Variants in PTPRD observed in about 807,000 individuals in gnomAD.
The protein encoded by PTPRD is receptor-type tyrosine-protein phosphatase delta.
Under a neutral mutation model 214.5 loss-of-function variants are expected in PTPRD, and 34 were observed. The ratio of observed to expected loss-of-function variants is 0.16; its 90% confidence interval spans 0.12 to 0.21. The LOEUF is 0.21. PTPRD is among the 10% of genes least tolerant of loss of function. PTPRD has a pLI of 1.00. For synonymous variants in PTPRD, 1,128 were observed against 845.7 expected (o/e 1.33, Z -5.79); for missense variants, 2,545 against 2,398.7 (o/e 1.06, Z -1.27).
intron 2 of PTPRD, among the ~76,000 whole-genome samples, chr9:10,461,428 T>C (rs1220277441): frequency 6.6e-6 from 1 of 151,926 alleles, no homozygotes; most frequent in Non-Finnish European, 1.5e-5. Flanking sequence ...AGTCGAGCTA[T>C]GAAAATAATC....
intron 2 of PTPRD, among the ~76,000 whole-genome samples, chr9:10,595,066 G>A (rs1044748826): frequency 6.6e-6 from 1 of 151,790 alleles, no homozygotes; most frequent in Non-Finnish European, 1.5e-5. Context: ...TAATCTCAGA[G>A]TTTAAAATAA....
At chr9:9,043,801 G>A (rs1361600016) in intron 10 of PTPRD, among the ~76,000 whole-genome samples, 1 of 151,974 alleles carries the variant, frequency 6.6e-6, no homozygotes, top group East Asian at 1.9e-4. Context: ...CTACCCAGGA[G>A]GCTGAAGCAG....
chr9:10,289,419 G>A (rs886748013), intron 3 of PTPRD, among the ~76,000 whole-genome samples: 2 of 152,106 alleles, frequency 1.3e-5, no homozygotes, highest in African/African-American at 4.8e-5. Flanking sequence ...GGAAAACCCT[G>A]CTTAGGTTGA....
intron 5 of PTPRD, among the ~76,000 whole-genome samples, chr9:9,842,522 G>A (rs187781914): frequency 6.6e-6 from 1 of 151,710 alleles, no homozygotes; most frequent in Non-Finnish European, 1.5e-5. Context: ...GAAGAAAAAA[G>A]AAATATTTGG....
At chr9:9,545,381 A>G (rs141096165) in intron 8 of PTPRD, among the ~76,000 whole-genome samples, 258 of 151,960 alleles carry the variant, frequency 1.7e-3, no homozygotes, top group African/African-American at 5.9e-3. Context: ...CTAGAATGTC[A>G]TATAGTTTGA....
intron 10 of PTPRD, among the ~76,000 whole-genome samples, chr9:9,146,617 A>G (rs2099869017): frequency 6.6e-6 from 1 of 152,172 alleles, no homozygotes; most frequent in Non-Finnish European, 1.5e-5. Context: ...AGATTATTGC[A>G]TTCAATAGCT....
At chr9:9,952,978 G>A (rs545552383) in intron 4 of PTPRD, among the ~76,000 whole-genome samples, 1 of 152,122 alleles carries the variant, frequency 6.6e-6, no homozygotes, top group African/African-American at 2.4e-5. Context: ...TGTGGGGTAA[G>A]GAACATTGTG....
At chr9:9,208,816 T>G (rs2099946622) in intron 9 of PTPRD, among the ~76,000 whole-genome samples, 1 of 152,044 alleles carries the variant, frequency 6.6e-6, no homozygotes, top group South Asian at 2.1e-4. Context: ...ACTCTTTTTT[T>G]TTTTTCTTTG....
At chr9:9,320,394 T>A (rs1158010339) in intron 9 of PTPRD, among the ~76,000 whole-genome samples, 1 of 152,146 alleles carries the variant, frequency 6.6e-6, no homozygotes, top group East Asian at 1.9e-4. Flanking sequence ...ACACAAAAAG[T>A]TAAGCCTATT....
intron 3 of PTPRD, among the ~76,000 whole-genome samples, chr9:10,188,789 C>G (rs1593555321): frequency 6.6e-6 from 1 of 152,054 alleles, no homozygotes; most frequent in African/African-American, 2.4e-5. Context: ...TACAATGTAC[C>G]AGGTACTGTG....
At chr9:10,606,540 T>C (rs2079430422) in intron 2 of PTPRD, among the ~76,000 whole-genome samples, 1 of 151,546 alleles carries the variant, frequency 6.6e-6, no homozygotes. Flanking sequence ...TTTCTTTTTT[T>C]TTTTTTCTGT....
intron 11 of PTPRD, among the ~76,000 whole-genome samples, chr9:8,916,177 G>A (rs892677156): frequency 1.3e-5 from 2 of 152,082 alleles, no homozygotes; most frequent in Non-Finnish European, 2.9e-5. Flanking sequence ...GAGAAGTTTG[G>A]TTTAGAAAGA....
intron 7 of PTPRD, among the ~76,000 whole-genome samples, chr9:9,637,561 G>A (rs535289711): frequency 5.9e-5 from 9 of 152,316 alleles, no homozygotes; most frequent in Non-Finnish European, 1.0e-4. Flanking sequence ...TGGGGTGGAT[G>A]TGGTTCCCCT....
chr9:9,144,182 G>T (rs1456827350), intron 10 of PTPRD, among the ~76,000 whole-genome samples: 4 of 152,202 alleles, frequency 2.6e-5, no homozygotes, highest in South Asian at 2.1e-4. Context: ...CACTCTGATA[G>T]ATTTGAATTT....
chr9:8,576,947 T>C (rs187021001), intron 14 of PTPRD, among the ~76,000 whole-genome samples: 6 of 152,320 alleles, frequency 3.9e-5, no homozygotes, highest in African/African-American at 1.2e-4. Context: ...ATCTGGACCT[T>C]TATCACCTGT....
chr9:9,265,928 AAGAC>A, intron 9 of PTPRD, among the ~76,000 whole-genome samples: 1 of 151,716 alleles, frequency 6.6e-6, no homozygotes, highest in South Asian at 2.1e-4. Context: ...CTCCAATCAA[AAGAC>A]AGAGTGGCTA....
intron 11 of PTPRD, among the ~76,000 whole-genome samples, chr9:8,914,065 C>G (rs771407931): frequency 6.6e-5 from 10 of 152,112 alleles, no homozygotes; most frequent in Non-Finnish European, 1.5e-4. Context: ...TGAATACGTA[C>G]TAAAATTGAA....
intron 37 of PTPRD, among the ~76,000 whole-genome samples, chr9:8,380,749 C>T (rs909666184): frequency 6.6e-6 from 1 of 152,080 alleles, no homozygotes; most frequent in Non-Finnish European, 1.5e-5. Context: ...GCTGAACATG[C>T]TTTGGGAGAA....
intron 39 of PTPRD, among the ~76,000 whole-genome samples, chr9:8,362,061 C>A (rs2078641635): frequency 6.6e-6 from 1 of 152,194 alleles, no homozygotes; most frequent in African/African-American, 2.4e-5. Flanking sequence ...GGTATGTAGA[C>A]CACCTTGGGA....
Sources: gnomAD v4.1 joint callset for allele counts (sites outside exome capture counted in the v4.1 genomes callset) on GRCh38, gnomAD v4.1.1 for gene constraint, MANE v1.5 for transcripts, NCBI Gene and HGNC (gene_info 2026-07-23, HGNC 2026-07-21) for gene names.